The following NCOA3 variants were observed in gnomAD, a reference collection of about 807,000 sequenced individuals.
NCOA3 encodes CBP-interacting protein.
Under a neutral mutation model 158.8 loss-of-function variants are expected in NCOA3, and 51 were observed. That is an observed-to-expected ratio of 0.32 (90% CI 0.26 to 0.41). The LOEUF (loss-of-function observed/expected upper bound fraction) is 0.41, where lower values mean the gene tolerates loss of function less well. Among genes scored for constraint, NCOA3 ranks in the 10% least tolerant of loss-of-function variants. The pLI is 1.00. For synonymous variants in NCOA3, 537 were observed against 592.4 expected (o/e 0.91, Z 1.36); for missense variants, 1,510 against 1,746.6 (o/e 0.86, Z 2.41).
chr20:47,512,319 C>A (rs1195901865), intron 1 of NCOA3, among the ~76,000 whole-genome samples: 3 of 151,968 alleles, frequency 2.0e-5, no homozygotes, highest in Non-Finnish European at 4.4e-5. Context: ...ACCTATAATC[C>A]CAGCACTTTG....
At position 47,649,127 on chromosome 20, in the gene NCOA3, C is replaced by G. The variant is rs1450850932; in HGVS notation, c.3651+18C>G. The G allele has an allele frequency of 2.6e-6, 4 of 1,542,876 alleles. No homozygotes were observed. Among genetic ancestry groups the G allele is most frequent in the Non-Finnish European group, 3.6e-6 (4 of 1,118,278 alleles). On this transcript the variant is annotated intron_variant, in intron 19 of 22. Transcript: ENST00000371998. ...GCTCCCAGGTGAGGATGATAAGCCT[C>G]TCCACATGCATTGCTCTGTGCTCAG...
chr20:47,566,476 CT>C (rs1465737591), intron 1 of NCOA3, among the ~76,000 whole-genome samples: 1 of 151,908 alleles, frequency 6.6e-6, no homozygotes, highest in African/African-American at 2.4e-5. Context: ...CCTGAAATTA[CT>C]TTCTTCTCCC....
At chr20:47,538,698 A>T (rs2084674518) in intron 1 of NCOA3, among the ~76,000 whole-genome samples, 1 of 152,062 alleles carries the variant, frequency 6.6e-6, no homozygotes. Flanking sequence ...GGCGTGTGCC[A>T]CCATGCCAGT....
chr20:47,638,682 A>T (rs2086555921), intron 13 of NCOA3, among the ~76,000 whole-genome samples: 1 of 152,218 alleles, frequency 6.6e-6, no homozygotes, highest in Admixed American at 6.5e-5. Flanking sequence ...AGGAGCTTGG[A>T]ACATTTGTGA....
At chr20:47,603,166 G>A (rs1040034659) in intron 2 of NCOA3, among the ~76,000 whole-genome samples, 1 of 152,210 alleles carries the variant, frequency 6.6e-6, no homozygotes, top group Non-Finnish European at 1.5e-5. Flanking sequence ...AACTTCATTT[G>A]AAGATCTTAG....
chr20:47,628,254 T>A (rs941735082), intron 8 of NCOA3, among the ~76,000 whole-genome samples: 1 of 151,952 alleles, frequency 6.6e-6, no homozygotes, highest in Non-Finnish European at 1.5e-5. Flanking sequence ...ATCCCCCAGA[T>A]AAATTAAAAA....
intron 1 of NCOA3, among the ~76,000 whole-genome samples, chr20:47,507,935 T>C (rs2084055335): frequency 1.3e-5 from 2 of 152,068 alleles, no homozygotes; most frequent in African/African-American, 4.8e-5. Context: ...TTTTAAAAAA[T>C]AAATGAATAT....
chr20:47,587,129 T>G (rs2146230253), intron 2 of NCOA3, among the ~76,000 whole-genome samples: 1 of 152,348 alleles, frequency 6.6e-6, no homozygotes, highest in African/African-American at 2.4e-5. Flanking sequence ...CCTTTCCCAT[T>G]ACCCGTCGGA....
chr20:47,616,895 A>T (rs942396941), intron 2 of NCOA3, among the ~76,000 whole-genome samples: 3 of 152,214 alleles, frequency 2.0e-5, no homozygotes, highest in Non-Finnish European at 4.4e-5. Flanking sequence ...ATTCAACTAT[A>T]AGTGATAATA....
intron 10 of NCOA3, 127 bp from the exon 11 acceptor site, chr20:47,635,195 C>A: frequency 1.1e-6 from 1 of 893,018 alleles, no homozygotes; most frequent in Non-Finnish European, 1.6e-6. Context: ...TCCCAAAGTG[C>A]TGGGAATATA....
In NCOA3 at chr20:47,654,139, T is replaced by C. The variant is rs1406918970; in HGVS notation, c.*722T>C. The C allele has an allele frequency of 6.5e-6, 1 of 152,674 alleles. No homozygotes were observed. The highest frequency in any genetic ancestry group is 2.4e-5 in the African/African-American group (1 of 41,452). The allele number at this position is 152,674 out of a possible 1,614,324, so 9.5% of individuals were successfully genotyped here. A position where few individuals can be genotyped will look rare whatever the true frequency, so the allele number is the denominator to read the frequency against. The stretch of plus-strand genomic sequence containing the variant: ...CTAATGTGCAGCTGAGTGCACTTTA[T>C]TTAAAAAGAATGGATAAATGCAATA... On this transcript the variant is annotated 3_prime_UTR_variant, in exon 23 of 23. Coordinates refer to ENST00000371998, the MANE Select transcript of NCOA3 (RefSeq NM_181659.3).
At chr20:47,522,490 C>T (rs998532865) in intron 1 of NCOA3, among the ~76,000 whole-genome samples, 2 of 148,766 alleles carry the variant, frequency 1.3e-5, no homozygotes, top group African/African-American at 5.0e-5. Flanking sequence ...CTCCCCCATA[C>T]AGAGACAGAA....
intron 1 of NCOA3, among the ~76,000 whole-genome samples, chr20:47,562,707 T>C (rs986471127): frequency 2.6e-5 from 4 of 152,164 alleles, no homozygotes; most frequent in African/African-American, 9.7e-5. Flanking sequence ...TATAAAAGCA[T>C]AGCAATCACT....
intron 1 of NCOA3, among the ~76,000 whole-genome samples, chr20:47,549,894 A>G (rs1402069253): frequency 2.0e-5 from 3 of 152,026 alleles, no homozygotes; most frequent in African/African-American, 4.8e-5. Context: ...TTGTAGAGAC[A>G]TGATTTCACC....
At chr20:47,531,208 G>A (rs1208107232) in intron 1 of NCOA3, among the ~76,000 whole-genome samples, 2 of 152,026 alleles carry the variant, frequency 1.3e-5, no homozygotes, top group African/African-American at 4.8e-5. Flanking sequence ...GTTTGGTGGT[G>A]GTCACTTGTA....
intron 13 of NCOA3, among the ~76,000 whole-genome samples, chr20:47,638,234 G>C (rs1014284785): frequency 2.6e-5 from 4 of 152,182 alleles, no homozygotes; most frequent in African/African-American, 9.7e-5. Flanking sequence ...CTGTTGCTGT[G>C]TGTTGACTTC....
rs773102518 is a variant in NCOA3 at position 47,635,968 on chromosome 20, G to A, written c.1582G>A (p.Ala528Thr). The change falls in exon 12 of 23, where the codon GCC (alanine) becomes ACC (threonine). Residue 528 changes from alanine to threonine, a missense_variant. This residue lies in a region of NCOA3 where 1,017 missense variants were observed against 1,098.3 expected (regional missense o/e 0.93). Transcript: ENST00000371998. ...FSSSSLSALQ[A>T]ISEGVGTSLL... ...CAGCAGCTCTCTCAGTGCCCTGCAA[G>A]CCATCAGTGAAGGTGTGGGGACTTC... 2 of 1,614,068 alleles carry A rather than the reference G, an allele frequency of 1.2e-6. No homozygotes were observed. The highest frequency in any genetic ancestry group is 1.1e-5 in the South Asian group (1 of 91,078).
In NCOA3 at chr20:47,654,449, A is replaced by G. The variant is rs371819589; in HGVS notation, c.*1032A>G. On this transcript the variant is annotated 3_prime_UTR_variant, in exon 23 of 23. Transcript: ENST00000371998. ...TATATACCTTTTTTTGTAGGTCACA[A>G]CAACTCATTTTTACAGAGTTTGTGA... 22 of 152,714 alleles carry G rather than the reference A, an allele frequency of 1.4e-4. No individual in the cohort carries two copies. Among genetic ancestry groups the G allele is most frequent in the African/African-American group, 4.8e-4 (20 of 41,546 alleles). 9.5% of individuals were successfully genotyped at this position (152,714 alleles called of 1,614,324 possible).
chr20:47,558,665 T>C (rs778325096), intron 1 of NCOA3, among the ~76,000 whole-genome samples: 3 of 152,154 alleles, frequency 2.0e-5, no homozygotes, highest in Non-Finnish European at 4.4e-5. Context: ...TTTTGGATGC[T>C]GCTTCTTCTA....
Sources: gnomAD v4.1 joint callset for allele counts (sites outside exome capture counted in the v4.1 genomes callset) on GRCh38, gnomAD v4.1.1 for gene constraint, gnomAD v4.1.1 regional missense constraint, MANE v1.5 for transcripts, NCBI Gene and HGNC (gene_info 2026-07-23, HGNC 2026-07-21) for gene names.